Variants in TEPSIN observed in about 807,000 individuals in gnomAD.
The protein encoded by TEPSIN is TEPSIN adaptor related protein complex 4 accessory protein, also known as AP-4 complex accessory subunit tepsin.
A neutral mutation model predicts 48.5 loss-of-function variants in TEPSIN; 50 were observed. The observed-to-expected ratio is 1.03, with a 90% confidence interval of 0.82 to 1.31. The LOEUF is 1.31. Among genes scored for constraint, TEPSIN ranks in the 50% most tolerant of loss-of-function variants. The probability of loss-of-function intolerance (pLI) is 0.00; values close to 1 mark genes in which losing one functional copy is unlikely to be tolerated. For synonymous variants in TEPSIN, 392 were observed against 358.8 expected (o/e 1.09, Z -1.05); for missense variants, 838 against 815.9 (o/e 1.03, Z -0.33).
At position 81,233,989 on chromosome 17, in the gene TEPSIN, C is replaced by G; in HGVS notation, c.367G>C (p.Ala123Pro). The G allele has an allele frequency of 4.4e-6, 7 of 1,599,458 alleles. No individual in the cohort carries two copies. The highest frequency in any genetic ancestry group is 6.0e-6 in the Non-Finnish European group (7 of 1,175,944). ...ACTGCTCCTGGGCTCACCTGCGCGG[C>G]CGCGCGAACCTTCTGGTACAAGCTG... Reference protein sequence around the residue: ...GNSLYQKVRAAAQDLGSTLFS... With the variant: ...GNSLYQKVRAPAQDLGSTLFS... The change falls in exon 5 of 13, where the codon GCC becomes CCC. Residue 123 changes from alanine (A) to proline (P), a missense_variant. Coordinates refer to ENST00000637944, the MANE Select transcript of TEPSIN (RefSeq NM_001363764.2). This position sits in a 1 kb window ranked among gnomAD's most constrained non-coding sequence, Gnocchi z 5.8.
chr17:81,232,581 G>A, intron 7 of TEPSIN, 63 bp from the exon 8 acceptor site: 1 of 1,444,284 alleles, frequency 6.9e-7, no homozygotes, highest in Non-Finnish European at 9.3e-7. Flanking sequence ...CGTTCTCTGG[G>A]AGCAGGGTGC....
Position 81,239,016 on chromosome 17 carries a change from C to G in TEPSIN, c.18G>C (p.Pro6=). ...GTAGAAAGCTCAGGCGGTCCCGTAG[C>G]GGCGGCGCGGCAGCCATGATCCAGG... The part of the protein sequence containing the change: MAAAP[P]LRDRLSFLHR... Residue 6 remains proline, a synonymous_variant, in exon 1 of 13, where the codon CCG becomes CCC. Transcript: ENST00000637944. 6.7e-7 allele frequency: 1 copy of G among 1,489,170 alleles called. No individual in the cohort carries two copies. 92.2% of individuals were successfully genotyped at this position (1,489,170 alleles called of 1,614,324 possible). A position where few individuals can be genotyped will look rare whatever the true frequency, so the allele number is the denominator to read the frequency against.
At position 81,235,354 on chromosome 17, in the gene TEPSIN, C is replaced by T. The variant is rs537735262; in HGVS notation, c.308-1306G>A. On this transcript the variant is annotated intron_variant, in intron 4 of 12. Coordinates refer to ENST00000637944, the MANE Select transcript of TEPSIN (RefSeq NM_001363764.2). ...GGCCATCCTCACTGCACACCCACCA[C>T]CTGGAGCAGGGCGCCCCGTCTCTCA... 2.0e-4 allele frequency among the ~76,000 whole-genome samples: 30 copies of T among 152,318 alleles called. No homozygotes were observed. The South Asian group carries it at 3.5e-3, about 18-fold the overall frequency.
intron 11 of TEPSIN, 80 bp downstream of exon 11, chr17:81,231,316 CGT>C: frequency 7.4e-7 from 1 of 1,351,948 alleles, no homozygotes; most frequent in Non-Finnish European, 1.0e-6. Context: ...CACAGGCACA[CGT>C]GCACACACAC....
chr17:81,238,950 G>A, intron 1 of TEPSIN, 36 bp downstream of exon 1: 2 of 1,423,206 alleles, frequency 1.4e-6, no homozygotes, highest in South Asian at 1.4e-5. Flanking sequence ...GAGAGGAGCC[G>A]TGGGACCGGG....
chr17:81,236,843 C>T (rs1021629897), intron 3 of TEPSIN, 42 bp from the exon 4 acceptor site: 8 of 1,548,554 alleles, frequency 5.2e-6, no homozygotes, highest in African/African-American at 2.7e-5. Flanking sequence ...AGGCCGGACA[C>T]GGGACACCCA....
At position 81,228,593 on chromosome 17, in the gene TEPSIN, G is replaced by C; in HGVS notation, c.*335C>G. 2.7e-6 allele frequency: 1 copy of C among 369,392 alleles called. No homozygotes were observed. Among genetic ancestry groups the C allele is most frequent in the South Asian group, 2.7e-5 (1 of 36,616 alleles). 22.9% of individuals were successfully genotyped at this position (369,392 alleles called of 1,614,324 possible). On this transcript the variant is annotated 3_prime_UTR_variant, in exon 13 of 13. Coordinates refer to ENST00000637944, the MANE Select transcript of TEPSIN (RefSeq NM_001363764.2). ...GCTCATGACCTCCTGGGGAAGGAGGGAGCTGAGATCAAAATGAAATAAGGA... is the reference window on the plus strand; with the variant it reads ...GCTCATGACCTCCTGGGGAAGGAGGCAGCTGAGATCAAAATGAAATAAGGA...
rs537114277 is a variant in TEPSIN at position 81,234,617 on chromosome 17, G to C, written c.308-569C>G. 3.9e-5 allele frequency among the ~76,000 whole-genome samples: 6 copies of C among 151,960 alleles called. No individual in the cohort carries two copies. The highest frequency in any genetic ancestry group is 8.8e-5 in the Non-Finnish European group (6 of 67,978). On this transcript the variant is annotated intron_variant, in intron 4 of 12. Coordinates refer to ENST00000637944, the MANE Select transcript of TEPSIN (RefSeq NM_001363764.2). The surrounding 1 kb of genome is among the most constrained non-coding windows in gnomAD (Gnocchi z 5.4). ...AGAGCTGTGCCTCTGAGAACCCCTC[G>C]AGAGCCTCTGTCACAGGCGAATCCA...
Position 81,229,385 on chromosome 17 carries a change from G to A in TEPSIN, c.1325C>T (p.Pro442Leu), listed in dbSNP as rs2062539902. 2 of 1,552,380 alleles carry A rather than the reference G, an allele frequency of 1.3e-6. No individual in the cohort carries two copies. The highest frequency in any genetic ancestry group is 1.7e-6 in the Non-Finnish European group (2 of 1,148,538). Residue 442 changes from proline to leucine, a missense_variant, in exon 13 of 13, where the codon CCA (proline) becomes CTA (leucine). By Grantham distance (98) the Pro-to-Leu change is moderately conservative. Transcript: ENST00000637944. ...EPGPTAALPG[P>L]SDLLTDAVPL... ...CACAGCGTCGGTCAGCAGGTCAGAT[G>A]GGCCTGGGAGGGCGGCTGTGGGGCC...
At position 81,234,527 on chromosome 17, in the gene TEPSIN, C is replaced by A. The variant is rs988230631; in HGVS notation, c.308-479G>T. ...TGAACTGGGGCTTCTTTCCTTAAATCTTCCGGCCCCAGGGCCCCCCAAGCC... is the reference window on the plus strand; with the variant it reads ...TGAACTGGGGCTTCTTTCCTTAAATATTCCGGCCCCAGGGCCCCCCAAGCC... On this transcript the variant is annotated intron_variant, in intron 4 of 12. Coordinates refer to ENST00000637944, the MANE Select transcript of TEPSIN (RefSeq NM_001363764.2). This position sits in a 1 kb window ranked among gnomAD's most constrained non-coding sequence, Gnocchi z 5.4. Among the ~76,000 whole-genome samples, 3 of 151,586 alleles carry A rather than the reference C, an allele frequency of 2.0e-5. No individual in the cohort carries two copies. The highest frequency in any genetic ancestry group is 4.4e-5 in the Non-Finnish European group (3 of 67,832).
Position 81,228,874 on chromosome 17 carries a change from C to A in TEPSIN, c.*54G>T. On this transcript the variant is annotated 3_prime_UTR_variant, in exon 13 of 13. Coordinates refer to ENST00000637944, the MANE Select transcript of TEPSIN (RefSeq NM_001363764.2). ...TACGGTTGAGGCTGCTCAGGAAGCA[C>A]AGACCGCCCCAGACAGCAGCTGAAG... 1 of 1,601,784 alleles carries A rather than the reference C, an allele frequency of 6.2e-7. No homozygotes were observed. The highest frequency in any genetic ancestry group is 2.2e-5 in the East Asian group (1 of 44,522).
chr17:81,236,579 G>C (rs1055688555), intron 4 of TEPSIN, 129 bp downstream of exon 4: 13 of 949,266 alleles, frequency 1.4e-5, no homozygotes, highest in Non-Finnish European at 1.7e-5. Context: ...GCAAGGCGGG[G>C]CTTTGATCGG....
In TEPSIN at chr17:81,232,545, C is replaced by T. The variant is rs1013429324; in HGVS notation, c.527-27G>A. The T allele has an allele frequency of 1.1e-5, 16 of 1,521,352 alleles. 1 individual carries two copies. The highest frequency in any genetic ancestry group is 3.6e-5 in the South Asian group (3 of 83,490). 94.2% of individuals were successfully genotyped at this position (1,521,352 alleles called of 1,614,324 possible). ...TGTACCCGAGGAGAGGGAGATGGGA[C>T]GGCCGCCCAGTGCGGCCCCCACCCG... On this transcript the variant is annotated intron_variant, in intron 7 of 12. Transcript: ENST00000637944.
chr17:81,237,220 CCT>C (rs1412065588), intron 2 of TEPSIN, 149 bp from the exon 3 acceptor site: 3 of 1,164,482 alleles, frequency 2.6e-6, no homozygotes, highest in Non-Finnish European at 1.2e-6. Flanking sequence ...TCTAGGGTCC[CCT>C]GTGTCATCAG....
rs2062564191 is a variant in TEPSIN at position 81,230,315 on chromosome 17, G to A, written c.1233+229C>T. ...CTGGGGGCTTCCAGGAATAGGTAGA[G>A]GCCAGTGTACTGTGAGTGCTGCAGA... is the stretch of plus-strand genomic sequence containing the variant. On this transcript the variant is annotated intron_variant, in intron 12 of 12. Coordinates refer to ENST00000637944, the MANE Select transcript of TEPSIN (RefSeq NM_001363764.2). The surrounding 1 kb of genome is among the most constrained non-coding windows in gnomAD (Gnocchi z 4.2). 5.5e-6 allele frequency: 3 copies of A among 542,362 alleles called. No homozygotes were observed. The highest frequency in any genetic ancestry group is 4.3e-5 in the South Asian group (2 of 46,452). 33.6% of individuals were successfully genotyped at this position (542,362 alleles called of 1,614,324 possible). A position where few individuals can be genotyped will look rare whatever the true frequency, so the allele number is the denominator to read the frequency against.
At chr17:81,229,622 GCTGGGGCAGTGCACC>G in intron 12 of TEPSIN, 146 bp from the exon 13 acceptor site, 1 of 853,078 alleles carries the variant, frequency 1.2e-6, no homozygotes, top group Non-Finnish European at 1.8e-6. Flanking sequence ...GCTGGGAGGG[GCTGGGGCAGTGCACC>G]CAGTTGTCAT....
In TEPSIN at chr17:81,237,319, C is replaced by T. The variant is rs534515486; in HGVS notation, c.121+68G>A. On this transcript the variant is annotated intron_variant, in intron 2 of 12. Transcript: ENST00000637944. ...CTAGGGACAGCAGAATCCCCAGGAA[C>T]CCTTTGCACCACTCTGGGACCCTGC... 1.6e-4 allele frequency: 239 copies of T among 1,534,394 alleles called. 1 individual carries two copies. The South Asian group carries it at 2.7e-3, about 17-fold the overall frequency.
At chr17:81,231,318 TGCACAC>T (rs2062600246) in intron 11 of TEPSIN, 74 bp downstream of exon 11, 5 of 1,380,492 alleles carry the variant, frequency 3.6e-6, no homozygotes, top group East Asian at 5.0e-5. Flanking sequence ...CAGGCACACG[TGCACAC>T]ACACGCACAC....
At chr17:81,235,643 C>A (rs889575738) in intron 4 of TEPSIN, among the ~76,000 whole-genome samples, 1 of 152,198 alleles carries the variant, frequency 6.6e-6, no homozygotes. Flanking sequence ...GAGGCCACGA[C>A]GTACATGCAC....
Sources: allele counts gnomAD v4.1 joint callset (sites outside exome capture counted in the v4.1 genomes callset), GRCh38; gene constraint gnomAD v4.1.1; non-coding constraint Gnocchi (gnomAD v3.1); transcripts MANE v1.5; gene names NCBI Gene and HGNC (gene_info 2026-07-23, HGNC 2026-07-21).